The following HDAC8 variants were observed in gnomAD, a reference collection of about 807,000 sequenced individuals.
HDAC8 encodes histone deacetylase-like 1.
Under a neutral mutation model 32.2 loss-of-function variants are expected in HDAC8, and 1 was observed. The observed-to-expected ratio is 0.03, with a 90% CI of 0.01 to 0.15. HDAC8 has a LOEUF of 0.15. Among genes scored for constraint, HDAC8 ranks in the 10% least tolerant of loss-of-function variants. The pLI is 1.00. For synonymous variants in HDAC8, 108 were observed against 113.9 expected (o/e 0.95, Z 0.33); for missense variants, 117 against 300.0 (o/e 0.39, Z 4.51).
At chrX:72,424,054 C>T (rs782053124) in intron 9 of HDAC8, among the ~76,000 whole-genome samples, 17 of 112,087 alleles carry the variant, frequency 1.5e-4, no homozygotes, top group African/African-American at 4.9e-4. Flanking sequence ...TTTGATCTTT[C>T]CAATTGCTTG....
chrX:72,482,793 G>A (rs1322868787), intron 7 of HDAC8, among the ~76,000 whole-genome samples: 1 of 112,116 alleles, frequency 8.9e-6, no homozygotes, highest in Non-Finnish European at 1.9e-5. Context: ...CTAATTGTGA[G>A]ACCTTAAGCA....
intron 1 of HDAC8, 71 bp downstream of exon 1, chrX:72,572,580 T>G: frequency 1.3e-6 from 1 of 761,622 alleles, no homozygotes; most frequent in Non-Finnish European, 1.9e-6. Context: ...CTCCGCTTCC[T>G]AACGCTCTTT....
chrX:72,394,531 A>G (rs1241170057), intron 9 of HDAC8, among the ~76,000 whole-genome samples: 2 of 112,343 alleles, frequency 1.8e-5, no homozygotes, highest in Admixed American at 9.4e-5. Context: ...TTGCCCTTTC[A>G]TGGATAGGCA....
chrX:72,554,888 G>A (rs1175308803), intron 4 of HDAC8, among the ~76,000 whole-genome samples: 14 of 112,212 alleles, frequency 1.2e-4, no homozygotes, highest in Non-Finnish European at 5.6e-5. Flanking sequence ...GTGTCCCCAG[G>A]GCAAGTTTGC....
intron 9 of HDAC8, among the ~76,000 whole-genome samples, chrX:72,366,324 A>G (rs1211676124): frequency 1.8e-5 from 2 of 112,141 alleles, no homozygotes; most frequent in Non-Finnish European, 3.8e-5. Context: ...GCCTTATCGC[A>G]CACCACGACC....
intron 4 of HDAC8, among the ~76,000 whole-genome samples, chrX:72,503,665 G>A (rs1556017347): frequency 9.0e-6 from 1 of 111,714 alleles, no homozygotes; most frequent in Non-Finnish European, 1.9e-5. Flanking sequence ...ATAAATATCT[G>A]CATTGGTTCA....
intron 4 of HDAC8, among the ~76,000 whole-genome samples, chrX:72,551,500 T>A (rs1175998739): frequency 2.1e-4 from 23 of 111,802 alleles, no homozygotes; most frequent in Non-Finnish European, 2.6e-4. Context: ...CAAGCTAGCA[T>A]CCTAATCAAA....
chrX:72,502,429 A>C (rs1361905453), intron 4 of HDAC8, among the ~76,000 whole-genome samples: 1 of 111,531 alleles, frequency 9.0e-6, no homozygotes, highest in African/African-American at 3.3e-5. Context: ...TCATGAACAC[A>C]AAAAAGGAAA....
At chrX:72,416,865 G>A (rs782424585) in intron 9 of HDAC8, among the ~76,000 whole-genome samples, 64 of 109,698 alleles carry the variant, frequency 5.8e-4, no homozygotes, top group South Asian at 4.7e-3. Flanking sequence ...TTCTTTTATC[G>A]ATTTCCTGTT....
chrX:72,535,688 T>A (rs2050500578), intron 4 of HDAC8, among the ~76,000 whole-genome samples: 1 of 112,028 alleles, frequency 8.9e-6, no homozygotes, highest in African/African-American at 3.2e-5. Flanking sequence ...AGGAATATAT[T>A]CCTGAAAAGT....
At position 72,495,228 on chromosome X, in the gene HDAC8, G is replaced by T; in HGVS notation, c.478C>A (p.Leu160Met). Residue 160 changes from leucine (L) to methionine (M), a missense_variant, in exon 5 of 11, where the codon CTG (leucine) becomes ATG (methionine). Around this residue, in one of 4 missense-constraint regions of HDAC8, gnomAD observed 57 missense variants for 182.0 expected, o/e 0.31. Transcript: ENST00000373573. Reference sequence around the variant, plus strand: ...TTCCGTCGCAATCGTAATATTCCCAGGACAGCATCATTGAGATAACAAAAA... The same window carrying T: ...TTCCGTCGCAATCGTAATATTCCCATGACAGCATCATTGAGATAACAAAAA... ...SGFCYLNDAV[L>M]GILRLRRKFE... 8.3e-7 allele frequency: 1 copy of T among 1,207,812 alleles called. No homozygotes were observed. The highest frequency in any genetic ancestry group is 1.1e-6 in the Non-Finnish European group (1 of 892,844).
chrX:72,567,260 C>T (rs1304356499), intron 4 of HDAC8, among the ~76,000 whole-genome samples: 3 of 112,360 alleles, frequency 2.7e-5, no homozygotes, highest in Non-Finnish European at 5.6e-5. Context: ...ACATCTACCT[C>T]TGGGTTGCTA....
Position 72,468,375 on chromosome X carries a change from G to A in HDAC8, c.738-3644C>T, listed in dbSNP as rs782702912. On this transcript the variant is annotated intron_variant, in intron 7 of 10. Coordinates refer to ENST00000373573, the MANE Select transcript of HDAC8 (RefSeq NM_018486.3). ...GGTAAATTTGGAAAAACATTGGGAG[G>A]GCTAATTGACAGAGTAGGAGTGGAG... Among the ~76,000 whole-genome samples the A allele has an allele frequency of 5.4e-5, 6 of 111,010 alleles. No homozygotes were observed. In the South Asian group the frequency reaches 1.6e-3, roughly 29 times the overall value.
intron 2 of HDAC8, among the ~76,000 whole-genome samples, chrX:72,569,817 G>C (rs2051947964): frequency 8.9e-6 from 1 of 112,349 alleles, no homozygotes; most frequent in African/African-American, 3.2e-5. Flanking sequence ...CCATAGACCA[G>C]GAGCATCAGC....
At chrX:72,446,338 T>C (rs1555984786) in intron 9 of HDAC8, among the ~76,000 whole-genome samples, 1 of 111,897 alleles carries the variant, frequency 8.9e-6, no homozygotes, top group Non-Finnish European at 1.9e-5. Context: ...ATATACACCA[T>C]GGAATACTAT....
intron 9 of HDAC8, among the ~76,000 whole-genome samples, chrX:72,441,701 T>C (rs971167902): frequency 5.4e-5 from 6 of 111,207 alleles, no homozygotes; most frequent in Non-Finnish European, 1.9e-5. Context: ...CTTTGAAGAG[T>C]TGAGAGAAGA....
intron 10 of HDAC8, chrX:72,330,922 G>A (rs888183844): frequency 7.6e-5 from 8 of 105,545 alleles, no homozygotes; most frequent in Non-Finnish European, 1.6e-4. Flanking sequence ...GAAGAAACAA[G>A]TCAGAAACAA....
intron 9 of HDAC8, among the ~76,000 whole-genome samples, chrX:72,396,912 T>C (rs2045779419): frequency 9.0e-6 from 1 of 111,616 alleles, no homozygotes; most frequent in African/African-American, 3.3e-5. Context: ...TACAAAGAAA[T>C]ATCTGAGACT....
chrX:72,413,878 T>C (rs2046265709), intron 9 of HDAC8, among the ~76,000 whole-genome samples: 1 of 112,186 alleles, frequency 8.9e-6, no homozygotes, highest in Non-Finnish European at 1.9e-5. Flanking sequence ...TATGTCCTTA[T>C]AGCAGTGGGA....
Sources: allele counts gnomAD v4.1 joint callset (sites outside exome capture counted in the v4.1 genomes callset), GRCh38; gene constraint gnomAD v4.1.1; regional missense constraint gnomAD v4.1.1; transcripts MANE v1.5; gene names NCBI Gene and HGNC (gene_info 2026-07-23, HGNC 2026-07-21).